DEUP1: variants seen among roughly 807,000 people sequenced by gnomAD.
DEUP1 encodes coiled-coil domain containing 67.
In DEUP1, 82 loss-of-function variants were observed where a neutral mutation model predicts 87.4. The ratio of observed to expected loss-of-function variants is 0.94; its 90% CI spans 0.78 to 1.13. The LOEUF is 1.13. Ranked by LOEUF, DEUP1 falls within the 50% of genes most tolerant of loss-of-function variation. The pLI is 0.00. For missense variants in DEUP1, 663 were observed against 681.5 expected (o/e 0.97, Z 0.30); for synonymous variants, 214 against 222.7 (o/e 0.96, Z 0.35).
intron 13 of DEUP1, 87 bp downstream of exon 13, chr11:93,415,201 AGTTC>A (rs1190906951): frequency 5.0e-6 from 4 of 807,194 alleles, no homozygotes; most frequent in African/African-American, 1.7e-5. Context: ...CGTACATAGT[AGTTC>A]GTTTGTTTTT....
intron 7 of DEUP1, among the ~76,000 whole-genome samples, chr11:93,377,754 G>C (rs993931451): frequency 6.6e-6 from 1 of 152,086 alleles, no homozygotes; most frequent in African/African-American, 2.4e-5. Flanking sequence ...GGTGTATGTT[G>C]AGGATTTCTT....
intron 4 of DEUP1, among the ~76,000 whole-genome samples, chr11:93,362,125 A>G (rs1945203897): frequency 1.3e-5 from 2 of 152,162 alleles, no homozygotes; most frequent in East Asian, 1.9e-4. Context: ...AGAAGAAAAC[A>G]TAGGAGTAAA....
At chr11:93,384,370 G>C (rs1279065911) in intron 7 of DEUP1, among the ~76,000 whole-genome samples, 1 of 152,126 alleles carries the variant, frequency 6.6e-6, no homozygotes, top group Non-Finnish European at 1.5e-5. Flanking sequence ...GCATAAACTT[G>C]TCTGCATTCC....
At chr11:93,407,235 A>G (rs1487218000) in intron 11 of DEUP1, among the ~76,000 whole-genome samples, 2 of 152,166 alleles carry the variant, frequency 1.3e-5, no homozygotes, top group Admixed American at 6.5e-5. Context: ...CAACAATAGA[A>G]GAATGGTTAA....
At chr11:93,357,077 T>C (rs1300373301) in intron 4 of DEUP1, 34 bp downstream of exon 4, 6 of 1,262,864 alleles carry the variant, frequency 4.8e-6, no homozygotes, top group South Asian at 2.8e-5. Context: ...ATATCACACA[T>C]TTTGATATAT....
Position 93,356,929 on chromosome 11 carries a change from A to G in DEUP1, c.202-19A>G. The stretch of plus-strand genomic sequence containing the variant: ...GCAAAATTTAGAAAAAGCAAAATTA[A>G]ATTTTATTCTTCATGCAGGTAGGGT... On this transcript the variant is annotated intron_variant, in intron 3 of 13. Coordinates refer to ENST00000298050, the MANE Select transcript of DEUP1 (RefSeq NM_181645.4). 6.5e-7 allele frequency: 1 copy of G among 1,535,796 alleles called. No individual in the cohort carries two copies. The highest frequency in any genetic ancestry group is 8.8e-7 in the Non-Finnish European group (1 of 1,130,562).
chr11:93,355,610 A>G, intron 3 of DEUP1, 68 bp downstream of exon 3: 5 of 1,367,682 alleles, frequency 3.7e-6, no homozygotes, highest in Non-Finnish European at 4.9e-6. Flanking sequence ...CTATCAGAAT[A>G]TGTTTTTATT....
intron 11 of DEUP1, among the ~76,000 whole-genome samples, chr11:93,396,868 A>G (rs553102699): frequency 6.6e-6 from 1 of 152,312 alleles, no homozygotes; most frequent in East Asian, 1.9e-4. Flanking sequence ...AAATAAATGA[A>G]TTATTCAGGA....
intron 7 of DEUP1, among the ~76,000 whole-genome samples, chr11:93,375,159 T>C (rs1358902157): frequency 2.0e-5 from 3 of 152,152 alleles, no homozygotes; most frequent in Non-Finnish European, 4.4e-5. Flanking sequence ...GAAACTTTAC[T>C]GAATTCATTT....
intron 2 of DEUP1, among the ~76,000 whole-genome samples, chr11:93,340,393 G>A (rs1445206180): frequency 6.6e-6 from 1 of 151,342 alleles, no homozygotes; most frequent in Non-Finnish European, 1.5e-5. Context: ...TAGAGAGGAG[G>A]AAGCAAGGGG....
intron 2 of DEUP1, 49 bp downstream of exon 2, chr11:93,332,337 A>G: frequency 6.7e-7 from 1 of 1,484,382 alleles, no homozygotes; most frequent in Non-Finnish European, 9.2e-7. Context: ...TAACTGTGCC[A>G]AAAACTTCCT....
At chr11:93,331,127 A>G (rs1480306434) in intron 1 of DEUP1, among the ~76,000 whole-genome samples, 2 of 151,936 alleles carry the variant, frequency 1.3e-5, no homozygotes, top group African/African-American at 2.4e-5. Context: ...CCTTCTGGTC[A>G]AGTTTTCCTT....
At chr11:93,348,363 C>A (rs1048317279) in intron 2 of DEUP1, among the ~76,000 whole-genome samples, 1 of 151,490 alleles carries the variant, frequency 6.6e-6, no homozygotes, top group South Asian at 2.1e-4. Flanking sequence ...TTATTTATTT[C>A]TTGTCTTCTG....
intron 5 of DEUP1, among the ~76,000 whole-genome samples, chr11:93,364,706 T>C (rs781247702): frequency 6.6e-6 from 1 of 152,058 alleles, no homozygotes; most frequent in African/African-American, 2.4e-5. Flanking sequence ...TGAAGTTTCA[T>C]GGTTTTTTTT....
intron 13 of DEUP1, among the ~76,000 whole-genome samples, chr11:93,419,244 C>A (rs1484889435): frequency 6.6e-6 from 1 of 151,576 alleles, no homozygotes; most frequent in South Asian, 2.1e-4. Flanking sequence ...GATCCCCACA[C>A]TGCTACTGCT....
At chr11:93,371,560 C>T (rs1945730425) in intron 7 of DEUP1, among the ~76,000 whole-genome samples, 1 of 152,088 alleles carries the variant, frequency 6.6e-6, no homozygotes, top group Non-Finnish European at 1.5e-5. Flanking sequence ...TGCCTTTAGC[C>T]ATGTACTACC....
intron 11 of DEUP1, among the ~76,000 whole-genome samples, chr11:93,402,310 A>G (rs975690553): frequency 6.6e-6 from 1 of 152,082 alleles, no homozygotes; most frequent in African/African-American, 2.4e-5. Flanking sequence ...ATCAGATATC[A>G]TCACATTCCA....
intron 13 of DEUP1, among the ~76,000 whole-genome samples, chr11:93,435,492 G>A (rs548607759): frequency 6.6e-6 from 1 of 152,344 alleles, no homozygotes; most frequent in East Asian, 1.9e-4. Flanking sequence ...TTCTGCTACA[G>A]ATAGCATAGC....
chr11:93,392,089 G>A (rs1483515055), intron 9 of DEUP1, among the ~76,000 whole-genome samples: 1 of 152,192 alleles, frequency 6.6e-6, no homozygotes, highest in African/African-American at 2.4e-5. Flanking sequence ...AAGCCTGATG[G>A]TGATCACATT....
Sources: allele counts gnomAD v4.1 joint callset (sites outside exome capture counted in the v4.1 genomes callset), GRCh38; gene constraint gnomAD v4.1.1; transcripts MANE v1.5; gene names NCBI Gene and HGNC (gene_info 2026-07-23, HGNC 2026-07-21).